Variants in HPSE2 observed in about 807,000 individuals in gnomAD.
HPSE2 encodes heparanase 2 (inactive).
Under a neutral mutation model 60.5 loss-of-function variants are expected in HPSE2, and 38 were observed. That is an observed-to-expected ratio of 0.63 (90% CI 0.48 to 0.82). HPSE2 has a LOEUF of 0.82. HPSE2 is among the 40% of genes least tolerant of loss of function. HPSE2 has a pLI of 0.00. For synonymous variants in HPSE2, 295 were observed against 293.2 expected (o/e 1.01, Z -0.06); for missense variants, 713 against 740.4 (o/e 0.96, Z 0.43).
At chr10:99,131,261 A>G (rs1845374107) in intron 3 of HPSE2, among the ~76,000 whole-genome samples, 1 of 152,172 alleles carries the variant, frequency 6.6e-6, no homozygotes, top group African/African-American at 2.4e-5. Flanking sequence ...CACAACCACT[A>G]TGGAAAACAG....
chr10:98,990,872 C>T (rs1956506325), intron 3 of HPSE2, among the ~76,000 whole-genome samples: 1 of 152,184 alleles, frequency 6.6e-6, no homozygotes, highest in South Asian at 2.1e-4. Context: ...TACACATACA[C>T]ACAAAATGTC....
intron 3 of HPSE2, among the ~76,000 whole-genome samples, chr10:98,921,064 TACTAGGTGCTCAA>T (rs905945622): frequency 6.6e-6 from 1 of 152,214 alleles, no homozygotes; most frequent in African/African-American, 2.4e-5. Context: ...ATCCTGGTTC[TACTAGGTGCTCAA>T]ACTAGGTGAC....
intron 3 of HPSE2, among the ~76,000 whole-genome samples, chr10:98,769,199 A>G (rs1160614979): frequency 1.3e-5 from 2 of 152,212 alleles, no homozygotes; most frequent in African/African-American, 4.8e-5. Context: ...GATTGGGAAG[A>G]ATTCTCAAGA....
intron 9 of HPSE2, among the ~76,000 whole-genome samples, chr10:98,526,378 AATC>A (rs552166290): frequency 1.1e-3 from 163 of 152,348 alleles, no homozygotes; most frequent in African/African-American, 3.8e-3. Flanking sequence ...GTAGCATAAC[AATC>A]ATATTATTAG....
intron 4 of HPSE2, among the ~76,000 whole-genome samples, chr10:98,742,518 G>C (rs762598071): frequency 4.6e-5 from 7 of 151,966 alleles, no homozygotes; most frequent in Non-Finnish European, 8.8e-5. Context: ...TGGTTTGTTC[G>C]ATTCAATTGT....
At chr10:99,207,402 G>A (rs1848786766) in intron 2 of HPSE2, among the ~76,000 whole-genome samples, 1 of 152,136 alleles carries the variant, frequency 6.6e-6, no homozygotes, top group Admixed American at 6.5e-5. Flanking sequence ...AATGCTAAAG[G>A]GAGTTCTGAA....
At chr10:98,856,462 A>T (rs1952317829) in intron 3 of HPSE2, among the ~76,000 whole-genome samples, 1 of 152,196 alleles carries the variant, frequency 6.6e-6, no homozygotes, top group South Asian at 2.1e-4. Context: ...AAACCAAGGA[A>T]ATAAAAATTC....
intron 3 of HPSE2, among the ~76,000 whole-genome samples, chr10:98,988,209 A>G (rs1341452359): frequency 6.6e-6 from 1 of 152,270 alleles, no homozygotes; most frequent in Non-Finnish European, 1.5e-5. Flanking sequence ...CCAAAAGAAC[A>G]AAGCTGGAGG....
chr10:98,523,256 T>TAC (rs1235543287), intron 9 of HPSE2, among the ~76,000 whole-genome samples: 1 of 152,232 alleles, frequency 6.6e-6, no homozygotes, highest in Non-Finnish European at 1.5e-5. Context: ...GAAGGCACAG[T>TAC]ACCAACTCAG....
chr10:98,597,620 G>A (rs933726411), intron 9 of HPSE2, among the ~76,000 whole-genome samples: 4 of 151,372 alleles, frequency 2.6e-5, no homozygotes, highest in African/African-American at 4.9e-5. Flanking sequence ...GCAGTGAGCC[G>A]AGATTGTGCC....
At chr10:98,705,805 A>C (rs1948532987) in intron 5 of HPSE2, among the ~76,000 whole-genome samples, 1 of 152,142 alleles carries the variant, frequency 6.6e-6, no homozygotes, top group Non-Finnish European at 1.5e-5. Flanking sequence ...TAGCTAATGC[A>C]TGCCGGGCTT....
chr10:99,103,739 C>T (rs1450025134), intron 3 of HPSE2, among the ~76,000 whole-genome samples: 4 of 152,164 alleles, frequency 2.6e-5, no homozygotes, highest in Non-Finnish European at 5.9e-5. Flanking sequence ...AACTATACTA[C>T]AAGGCTACAG....
chr10:99,216,188 CTTTTTTTTTTT>C (rs550046406), intron 2 of HPSE2, among the ~76,000 whole-genome samples: 16 of 97,674 alleles, frequency 1.6e-4, no homozygotes, highest in Non-Finnish European at 2.6e-4. Flanking sequence ...ATAACCTAAA[CTTTTTTTTTTT>C]TTTTTTTTTT....
At chr10:99,075,391 T>C (rs1390110900) in intron 3 of HPSE2, among the ~76,000 whole-genome samples, 3 of 152,188 alleles carry the variant, frequency 2.0e-5, no homozygotes, top group East Asian at 1.9e-4. Flanking sequence ...TCAGAAAAGA[T>C]ACTTGGTATG....
At chr10:99,288,940 G>T in the HPSE2 span, among the ~76,000 whole-genome samples, 1 of 152,058 alleles carries the variant, frequency 6.6e-6, no homozygotes, top group African/African-American at 2.4e-5. Flanking sequence ...ATATAGTTTA[G>T]CTGTGAATAT....
At chr10:98,984,834 C>G (rs1244446179) in intron 3 of HPSE2, among the ~76,000 whole-genome samples, 1 of 152,134 alleles carries the variant, frequency 6.6e-6, no homozygotes, top group Non-Finnish European at 1.5e-5. Flanking sequence ...ACGAGAACTA[C>G]GTGACGAATG....
rs200356903 is a variant in HPSE2, at chr10:99,064,581, AT to A, written c.610+79656del. Among the ~76,000 whole-genome samples, 144 of 142,214 alleles carry A rather than the reference AT, an allele frequency of 1.0e-3. 3 individuals carry two copies. In the East Asian group the frequency reaches 0.027, roughly 27 times the overall value. 93.3% of individuals were successfully genotyped at this position (142,214 alleles called of 152,430 possible). On this transcript the variant is annotated intron_variant, in intron 3 of 11. Transcript: ENST00000370552. ...ATATGCAATCGCTGTCCCATTCTCA[AT>A]TATGGGGAAAATATTTACTTAAATA...
chr10:99,010,310 C>G (rs920305714), intron 3 of HPSE2, among the ~76,000 whole-genome samples: 4 of 152,176 alleles, frequency 2.6e-5, no homozygotes, highest in South Asian at 4.2e-4. Context: ...GGAAAAATGA[C>G]CATGAAATCA....
chr10:99,214,217 A>G (rs560192707), intron 2 of HPSE2, among the ~76,000 whole-genome samples: 2 of 152,330 alleles, frequency 1.3e-5, no homozygotes, highest in South Asian at 2.1e-4. Flanking sequence ...AAGTGTTGGC[A>G]TGGATGTGGA....
Sources: allele counts gnomAD v4.1 joint callset (sites outside exome capture counted in the v4.1 genomes callset), GRCh38; gene constraint gnomAD v4.1.1; transcripts MANE v1.5; gene names NCBI Gene and HGNC (gene_info 2026-07-23, HGNC 2026-07-21).